The following SLC12A7 variants were observed in gnomAD, a reference collection of about 807,000 sequenced individuals.
The protein encoded by SLC12A7 is K-Cl cotransporter 4.
A neutral mutation model predicts 120.6 loss-of-function variants in SLC12A7; 100 were observed. The observed-to-expected ratio is 0.83, with a 90% CI of 0.71 to 0.98. SLC12A7 has a LOEUF of 0.98. Among genes scored for constraint, SLC12A7 ranks in the 50% least tolerant of loss-of-function variants. The pLI is 0.00. For missense variants in SLC12A7, 1,373 were observed against 1,548.1 expected (o/e 0.89, Z 1.90); for synonymous variants, 760 against 678.0 (o/e 1.12, Z -1.88).
chr5:1,051,239 C>A lies in SLC12A7; in HGVS notation c.*1121G>T. The A allele has an allele frequency of 3.6e-6, 1 of 281,272 alleles. No individual in the cohort carries two copies. The highest frequency in any genetic ancestry group is 6.6e-6 in the Non-Finnish European group (1 of 152,290). The allele number at this position is 281,272 out of a possible 1,614,324, so 17.4% of individuals were successfully genotyped here. A position where few individuals can be genotyped will look rare whatever the true frequency, so the allele number is the denominator to read the frequency against. On this transcript the variant is annotated 3_prime_UTR_variant, in exon 24 of 24. Coordinates refer to ENST00000264930, the MANE Select transcript of SLC12A7 (RefSeq NM_006598.3). ...GGCACAGGCCATGGCAGGGGACGCC[C>A]GGGACTCAGCCAGACAGACCTGACA...
upstream of SLC12A7, among the ~76,000 whole-genome samples, chr5:1,112,190 C>T (rs1278333122): frequency 1.3e-5 from 2 of 152,024 alleles, no homozygotes; most frequent in African/African-American, 2.4e-5. Context: ...CCAACCCAGG[C>T]TGCGTCTGTC....
At chr5:1,128,005 G>A in the SLC12A7 span, among the ~76,000 whole-genome samples, 1 of 152,220 alleles carries the variant, frequency 6.6e-6, no homozygotes, top group Non-Finnish European at 1.5e-5. Flanking sequence ...TTTCATCTGG[G>A]GGTGGTGACA....
rs368932247 is a variant in SLC12A7, at chr5:1,089,018, C to T, written c.453G>A (p.Leu151=). 32 of 1,612,882 alleles carry T rather than the reference C, an allele frequency of 2.0e-5. No homozygotes were observed. The Middle Eastern group carries it at 4.9e-4, about 25-fold the overall frequency. The change falls in exon 4 of 24, where the codon CTG becomes CTA. Residue 151 remains leucine, a synonymous_variant. Coordinates refer to ENST00000264930, the MANE Select transcript of SLC12A7 (RefSeq NM_006598.3). ...LTWIVGVAGV[L]ESFLIVAMCC... is the part of the protein sequence containing the mutation. ...ACATGGCCACGATGAGGAAGGACTC[C>T]AGGACACCAGCCACCCCCACGATCC... is the stretch of plus-strand genomic sequence containing the variant.
At chr5:1,116,280 C>T (rs541489543), upstream of SLC12A7, among the ~76,000 whole-genome samples, 7 of 152,306 alleles carry the variant, frequency 4.6e-5, no homozygotes, top group South Asian at 4.1e-4. Flanking sequence ...CCCCCCGCCC[C>T]GATCCCTGGC....
intron 18 of SLC12A7, 148 bp downstream of exon 18, chr5:1,065,135 G>A (rs1736880352): frequency 1.6e-5 from 11 of 699,008 alleles, no homozygotes; most frequent in South Asian, 1.5e-4. Context: ...ATGCAGAGGG[G>A]ACACCAAGGG....
At chr5:1,090,688 G>A (rs1033230154) in intron 3 of SLC12A7, among the ~76,000 whole-genome samples, 23 of 152,210 alleles carry the variant, frequency 1.5e-4, no homozygotes, top group Non-Finnish European at 2.5e-4. Context: ...GGTCCACACA[G>A]GGGCCCCTGC....
At chr5:1,135,351 T>C in the SLC12A7 span, among the ~76,000 whole-genome samples, 2 of 151,690 alleles carry the variant, frequency 1.3e-5, no homozygotes, top group African/African-American at 4.9e-5. Context: ...ACAACCACCA[T>C]GCTCCGTTTT....
chr5:1,127,622 T>A, the SLC12A7 span, among the ~76,000 whole-genome samples: 1 of 152,198 alleles, frequency 6.6e-6, no homozygotes, highest in African/African-American at 2.4e-5. Flanking sequence ...AACTCTGTGA[T>A]AACGATCTTG....
chr5:1,060,024 G>A (rs952519617), intron 21 of SLC12A7, among the ~76,000 whole-genome samples: 4 of 152,220 alleles, frequency 2.6e-5, no homozygotes, highest in Non-Finnish European at 5.9e-5. Flanking sequence ...CCTGCACGCT[G>A]CTCGGTTAGA....
chr5:1,069,225 G>T lies in SLC12A7; in HGVS notation c.2242-3747C>A, dbSNP rs374041475. Among the ~76,000 whole-genome samples, 12 of 152,356 alleles carry T rather than the reference G, an allele frequency of 7.9e-5. 2 individuals are homozygous for T. The highest frequency in any genetic ancestry group is 6.8e-3 in the Middle Eastern group (2 of 294). The stretch of plus-strand genomic sequence containing the variant: ...GCCATCCACGTGGCCAACGTGGCGG[G>T]AGCGGCGGGGGCCATTTTTTACCTC... On this transcript the variant is annotated intron_variant, in intron 17 of 23. Coordinates refer to ENST00000264930, the MANE Select transcript of SLC12A7 (RefSeq NM_006598.3).
At position 1,074,625 on chromosome 5, in the gene SLC12A7, C is replaced by T. The variant is rs1471169600; in HGVS notation, c.2014G>A (p.Ala672Thr). 4.3e-6 allele frequency: 7 copies of T among 1,612,822 alleles called. No homozygotes were observed. The highest frequency in any genetic ancestry group is 5.1e-6 in the Non-Finnish European group (6 of 1,179,928). The change falls in exon 16 of 24, where the codon GCC (alanine) becomes ACC (threonine). Residue 672 changes from alanine to threonine, a missense_variant. Ala to Thr is a moderately conservative substitution (Grantham distance 58). Coordinates refer to ENST00000264930, the MANE Select transcript of SLC12A7 (RefSeq NM_006598.3). ...GDGIRGLSLN[A>T]ARYALLRVEH... ...ACGCGCAGCAGGGCGTAGCGGGCGG[C>T]GTTCAGGGATAGGCCACGGATGCCA...
chr5:1,088,803 C>G (rs533513808), intron 4 of SLC12A7, among the ~76,000 whole-genome samples, 179 bp downstream of exon 4: 237 of 152,206 alleles, frequency 1.6e-3, no homozygotes, highest in African/African-American at 5.2e-3. Context: ...GCCCGGCTCT[C>G]GTGGAGGAGA....
At chr5:1,064,868 A>AGGAGATGGTGAGGGGACC (rs1736803500) in intron 18 of SLC12A7, among the ~76,000 whole-genome samples, 1 of 70,560 alleles carries the variant, frequency 1.4e-5, no homozygotes, top group African/African-American at 7.4e-5. Context: ...GCGAGGGGAC[A>AGGAGATGGTGAGGGGACC]GCGAGGGGAC....
intron 4 of SLC12A7, 139 bp from the exon 5 acceptor site, chr5:1,088,499 G>A: frequency 1.1e-6 from 1 of 928,068 alleles, no homozygotes. Context: ...TCAATGGAGT[G>A]GCTAGGAAAC....
Position 1,053,393 on chromosome 5 carries a change from A to C in SLC12A7, c.3116T>G (p.Leu1039Arg). The C allele has an allele frequency of 6.2e-7, 1 of 1,614,014 alleles. No homozygotes were observed. ...NKSQDAQLVL[L>R]NMPGPPKNRQ... is the part of the protein sequence containing the mutation. ...GTTTTTGGGAGGACCTGGCATGTTG[A>C]GCAGGACCAGCTGCGCATCCTGGGA... Residue 1039 changes from leucine (L) to arginine (R), a missense_variant, in exon 23 of 24, where the codon CTC becomes CGC. Leu to Arg is a moderately radical substitution (Grantham distance 102). Transcript: ENST00000264930.
chr5:1,052,819 C>T (rs1356934505), intron 23 of SLC12A7, among the ~76,000 whole-genome samples: 2 of 152,226 alleles, frequency 1.3e-5, no homozygotes, highest in Non-Finnish European at 2.9e-5. Context: ...GGAGGACATG[C>T]CCTCACTGGC....
the SLC12A7 span, among the ~76,000 whole-genome samples, chr5:1,144,218 C>T: frequency 1.3e-5 from 2 of 152,146 alleles, no homozygotes; most frequent in East Asian, 1.9e-4. Flanking sequence ...GGAAGTTGGC[C>T]GGCGCAGCGC....
At chr5:1,151,330 C>G in the SLC12A7 span, among the ~76,000 whole-genome samples, 2 of 152,238 alleles carry the variant, frequency 1.3e-5, no homozygotes, top group Admixed American at 1.3e-4. This position sits in a 1 kb window ranked among gnomAD's most constrained non-coding sequence, Gnocchi z 6.2. Context: ...GAAACCTCAG[C>G]CTGGCCTCGG....
In SLC12A7 at chr5:1,074,668, G is replaced by A. The variant is rs375196633; in HGVS notation, c.1971C>T (p.Ala657=). The change falls in exon 16 of 24, where the codon GCC becomes GCT. Residue 657 remains alanine, a synonymous_variant. Transcript: ENST00000264930. ...CIYKYIEYRG[A]EKEWGDGIRG... Reference sequence around the variant, plus strand: ...GGATGCCATCGCCCCACTCCTTCTCGGCCCTGTGGGAAAGGAAGTCGGGGT... The same window carrying A: ...GGATGCCATCGCCCCACTCCTTCTCAGCCCTGTGGGAAAGGAAGTCGGGGT... 2.7e-5 allele frequency: 44 copies of A among 1,612,348 alleles called. No homozygotes were observed. Among genetic ancestry groups the A allele is most frequent in the Non-Finnish European group, 3.2e-5 (38 of 1,179,846 alleles).
Sources: gnomAD v4.1 joint callset for allele counts (sites outside exome capture counted in the v4.1 genomes callset) on GRCh38, gnomAD v4.1.1 for gene constraint, Gnocchi (gnomAD v3.1) non-coding constraint, MANE v1.5 for transcripts, NCBI Gene and HGNC (gene_info 2026-07-23, HGNC 2026-07-21) for gene names.